GALNTL6: variants seen among roughly 807,000 people sequenced by gnomAD.
GALNTL6 encodes polypeptide N-acetylgalactosaminyltransferase like 6, also known as polypeptide N-acetylgalactosaminyltransferase-like 6.
Under a neutral mutation model 73.7 loss-of-function variants are expected in GALNTL6, and 46 were observed. The ratio of observed to expected loss-of-function variants is 0.62; its 90% CI spans 0.49 to 0.80. GALNTL6 has a LOEUF of 0.80. Among genes scored for constraint, GALNTL6 ranks in the 30% least tolerant of loss-of-function variants. GALNTL6 has a pLI of 0.00. For missense variants in GALNTL6, 604 were observed against 755.0 expected, an observed-to-expected ratio of 0.80 and a Z score of 2.34; for synonymous variants, 259 against 263.7, an observed-to-expected ratio of 0.98 and a Z score of 0.17.
intron 2 of GALNTL6, among the ~76,000 whole-genome samples, chr4:171,956,584 T>A (rs778056972): frequency 1.9e-4 from 29 of 152,200 alleles, no homozygotes; most frequent in Non-Finnish European, 3.8e-4. Context: ...TAATTTCATA[T>A]TTCTTCTTTT....
At chr4:172,052,454 A>G in intron 2 of GALNTL6, 2 of 1,535,134 alleles carry the variant, frequency 1.3e-6, no homozygotes, top group South Asian at 2.4e-5. Context: ...GATGAGAGCC[A>G]AGTTCAGAGC....
intron 5 of GALNTL6, among the ~76,000 whole-genome samples, chr4:172,580,777 T>C (rs1442372554): frequency 6.6e-6 from 1 of 152,172 alleles, no homozygotes; most frequent in Non-Finnish European, 1.5e-5. Context: ...TTTAATTTTT[T>C]TGTTTGTTTG....
chr4:172,808,938 A>G (rs552962088), intron 5 of GALNTL6, among the ~76,000 whole-genome samples: 2 of 152,310 alleles, frequency 1.3e-5, no homozygotes, highest in East Asian at 3.9e-4. Context: ...TGTTTTACAT[A>G]TATTATTTTC....
At chr4:172,633,394 G>T (rs968595139) in intron 5 of GALNTL6, among the ~76,000 whole-genome samples, 2 of 152,210 alleles carry the variant, frequency 1.3e-5, no homozygotes, top group Non-Finnish European at 2.9e-5. Flanking sequence ...GGAGCTTTAA[G>T]ATTTGACTGC....
chr4:172,585,252 ATTTTAC>A (rs1737357834), intron 5 of GALNTL6, among the ~76,000 whole-genome samples: 1 of 151,392 alleles, frequency 6.6e-6, no homozygotes, highest in Non-Finnish European at 1.5e-5. Context: ...TTTTTTTTAA[ATTTTAC>A]TTTAAGTTTC....
chr4:172,840,340 G>A (rs150894436), intron 7 of GALNTL6, among the ~76,000 whole-genome samples: 2,846 of 152,276 alleles, frequency 0.019, 50 homozygotes, highest in Middle Eastern at 0.051. Context: ...ATTCATCAGT[G>A]GAATCGATTG....
chr4:172,348,742 A>C, intron 5 of GALNTL6, 53 bp downstream of exon 5: 7 of 1,217,346 alleles, frequency 5.8e-6, no homozygotes, highest in Non-Finnish European at 8.0e-6. Flanking sequence ...TCACATAATC[A>C]TTAAGGACTT....
intron 3 of GALNTL6, among the ~76,000 whole-genome samples, chr4:172,308,010 T>A (rs951227959): frequency 8.2e-6 from 1 of 122,410 alleles, no homozygotes; most frequent in African/African-American, 3.6e-5. Context: ...TAACTTTTTT[T>A]TTTTTTTTTT....
At chr4:172,190,380 C>T (rs1217217409) in intron 2 of GALNTL6, among the ~76,000 whole-genome samples, 3 of 152,140 alleles carry the variant, frequency 2.0e-5, no homozygotes, top group Non-Finnish European at 2.9e-5. Context: ...GAAACTCCAT[C>T]TACTTGGGTC....
chr4:172,027,989 G>A (rs1042281407), intron 2 of GALNTL6, among the ~76,000 whole-genome samples: 2 of 152,052 alleles, frequency 1.3e-5, no homozygotes, highest in African/African-American at 4.8e-5. Flanking sequence ...ATAGCGGGAA[G>A]GGCTGATGTA....
intron 2 of GALNTL6, among the ~76,000 whole-genome samples, chr4:171,999,579 G>A (rs1311901355): frequency 6.6e-6 from 1 of 152,020 alleles, no homozygotes; most frequent in Non-Finnish European, 1.5e-5. Flanking sequence ...TGGGAGCAAT[G>A]GTAGTTTGAT....
intron 11 of GALNTL6, 120 bp from the exon 12 acceptor site, chr4:173,021,356 C>T (rs549635513): frequency 2.0e-5 from 20 of 1,022,448 alleles, no homozygotes; most frequent in Non-Finnish European, 2.8e-5. Context: ...AGACTTAGCT[C>T]TTTTTGGCAG....
intron 3 of GALNTL6, among the ~76,000 whole-genome samples, chr4:172,277,833 A>G (rs759073754): frequency 6.6e-6 from 1 of 152,212 alleles, no homozygotes; most frequent in Non-Finnish European, 1.5e-5. Flanking sequence ...GCCTTCATTA[A>G]TTTTTAACAT....
chr4:172,174,825 A>G (rs1341974148), intron 2 of GALNTL6, among the ~76,000 whole-genome samples: 1 of 152,192 alleles, frequency 6.6e-6, no homozygotes, highest in Non-Finnish European at 1.5e-5. Context: ...AATATGCACA[A>G]TTTATGCAGT....
intron 2 of GALNTL6, among the ~76,000 whole-genome samples, chr4:171,892,476 T>A (rs914932041): frequency 3.9e-5 from 6 of 152,202 alleles, no homozygotes; most frequent in Non-Finnish European, 7.4e-5. Context: ...ATTATTCTAA[T>A]GAACAATATG....
intron 2 of GALNTL6, among the ~76,000 whole-genome samples, chr4:172,216,009 T>A (rs1435391522): frequency 6.6e-6 from 1 of 152,208 alleles, no homozygotes; most frequent in African/African-American, 2.4e-5. Context: ...TCATTTTATC[T>A]GTTCATATGT....
At chr4:172,085,908 C>T (rs1353463615) in intron 2 of GALNTL6, among the ~76,000 whole-genome samples, 1 of 152,096 alleles carries the variant, frequency 6.6e-6, no homozygotes, top group Non-Finnish European at 1.5e-5. Flanking sequence ...ACATCACACT[C>T]AAATATCTAG....
intron 10 of GALNTL6, among the ~76,000 whole-genome samples, chr4:173,008,791 A>G (rs753812755): frequency 2.6e-5 from 4 of 152,226 alleles, no homozygotes; most frequent in Non-Finnish European, 5.9e-5. Context: ...CTGGAATTCA[A>G]TATCTGCTTA....
intron 5 of GALNTL6, among the ~76,000 whole-genome samples, chr4:172,765,505 T>C (rs1738354787): frequency 6.6e-6 from 1 of 150,696 alleles, no homozygotes; most frequent in African/African-American, 2.5e-5. Flanking sequence ...CTGGATATTC[T>C]GCCCTAATTC....
Sources: allele counts gnomAD v4.1 joint callset (sites outside exome capture counted in the v4.1 genomes callset), GRCh38; gene constraint gnomAD v4.1.1; transcripts MANE v1.5; gene names NCBI Gene and HGNC (gene_info 2026-07-23, HGNC 2026-07-21).